RASA3: variants seen among roughly 807,000 people sequenced by gnomAD.
RASA3 encodes the protein RAS p21 protein activator 3.
A neutral mutation model predicts 110.0 loss-of-function variants in RASA3; 73 were observed. The ratio of observed to expected loss-of-function variants is 0.66; its 90% confidence interval spans 0.55 to 0.81. The LOEUF (loss-of-function observed/expected upper bound fraction) is 0.81, where lower values mean the gene tolerates loss of function less well. RASA3 is among the 30% of genes least tolerant of loss of function. The probability of loss-of-function intolerance (pLI) is 0.00; values close to 1 mark genes in which losing one functional copy is unlikely to be tolerated. For synonymous variants in RASA3, 500 were observed against 451.4 expected (o/e 1.11, Z -1.37); for missense variants, 976 against 1,113.2 (o/e 0.88, Z 1.75).
chr13:114,026,009 G>A (rs957827896), intron 7 of RASA3, among the ~76,000 whole-genome samples: 1 of 152,238 alleles, frequency 6.6e-6, no homozygotes, highest in Admixed American at 6.5e-5. Flanking sequence ...ACACAGCAGC[G>A]GTCAGCGAGG....
chr13:114,110,694 C>T (rs2080205857), intron 1 of RASA3, among the ~76,000 whole-genome samples: 2 of 152,364 alleles, frequency 1.3e-5, no homozygotes, highest in South Asian at 2.1e-4. Flanking sequence ...CCTCCTGGCA[C>T]CTGCACAGGG....
intron 18 of RASA3, among the ~76,000 whole-genome samples, chr13:114,001,703 G>A (rs1414132407): frequency 6.6e-6 from 1 of 152,084 alleles, no homozygotes; most frequent in East Asian, 1.9e-4. Context: ...CTCACACACG[G>A]AGGACCTGCG....
chr13:114,029,679 T>TAGG (rs200484325), intron 5 of RASA3, 132 bp downstream of exon 5: 2 of 884,014 alleles, frequency 2.3e-6, no homozygotes, highest in Non-Finnish European at 3.6e-6. Flanking sequence ...CCAGGACCTC[T>TAGG]AAACAGTGTC....
chr13:114,038,298 G>A (rs370954507), intron 4 of RASA3, among the ~76,000 whole-genome samples: 3 of 152,254 alleles, frequency 2.0e-5, no homozygotes, highest in East Asian at 1.9e-4. Context: ...CGGGCAGCAC[G>A]TGGGAAACCC....
At position 114,009,539 on chromosome 13, in the gene RASA3, G is replaced by A. The variant is rs1027723085; in HGVS notation, c.1591-75C>T. 8 of 987,850 alleles carry A rather than the reference G, an allele frequency of 8.1e-6. No homozygotes were observed. The South Asian group carries it at 1.0e-4, about 13-fold the overall frequency. The allele number at this position is 987,850 out of a possible 1,614,324, so 61.2% of individuals were successfully genotyped here. On this transcript the variant is annotated intron_variant, in intron 16 of 23. Transcript: ENST00000334062. ...ACGGCCCAAATCTGAAAAAGCTAGA[G>A]GCAAGAACTGTCCAAGCCTAAATGA...
chr13:113,995,561 A>G (rs1164103767), intron 21 of RASA3, among the ~76,000 whole-genome samples: 5 of 152,152 alleles, frequency 3.3e-5, no homozygotes, highest in Non-Finnish European at 5.9e-5. Context: ...GGACCGGCAG[A>G]TATGACCCAA....
chr13:114,010,314 C>T (rs1026769281), intron 16 of RASA3, among the ~76,000 whole-genome samples: 1 of 151,986 alleles, frequency 6.6e-6, no homozygotes, highest in Non-Finnish European at 1.5e-5. Context: ...CACAGCCCAG[C>T]CCTCTCCAGA....
intron 2 of RASA3, 90 bp from the exon 3 acceptor site, chr13:114,052,245 A>G: frequency 1.2e-6 from 1 of 830,902 alleles, no homozygotes; most frequent in African/African-American, 1.7e-5. Flanking sequence ...AGTTTTAAAC[A>G]TGCCATAAGA....
At chr13:114,039,581 G>A (rs1053145898) in intron 4 of RASA3, among the ~76,000 whole-genome samples, 2 of 152,242 alleles carry the variant, frequency 1.3e-5, no homozygotes, top group Non-Finnish European at 1.5e-5. Flanking sequence ...TTGGGCCACG[G>A]TGCCTCTTGC....
intron 7 of RASA3, 130 bp downstream of exon 7, chr13:114,027,258 TG>T: frequency 1.2e-6 from 1 of 801,694 alleles, no homozygotes; most frequent in Non-Finnish European, 2.0e-6. Flanking sequence ...CAGGGCCGGC[TG>T]GCGGGGCTCG....
intron 4 of RASA3, among the ~76,000 whole-genome samples, chr13:114,034,959 T>G (rs61973881): frequency 0.085 from 7,138 of 84,272 alleles, no homozygotes; most frequent in Middle Eastern, 0.16. Flanking sequence ...AGAAGGGAGA[T>G]CTGAACGCTG....
At chr13:114,080,296 C>T (rs984748213) in intron 1 of RASA3, among the ~76,000 whole-genome samples, 3 of 152,160 alleles carry the variant, frequency 2.0e-5, no homozygotes, top group Non-Finnish European at 4.4e-5. Flanking sequence ...CTGCTGGGAG[C>T]CCCTGGCACC....
rs9590419 is a variant in RASA3 at position 114,040,527 on chromosome 13, T to C, written c.372+473A>G. On this transcript the variant is annotated intron_variant, in intron 4 of 23. Coordinates refer to ENST00000334062, the MANE Select transcript of RASA3 (RefSeq NM_007368.4). The stretch of plus-strand genomic sequence containing the variant: ...GCGAACACGCACAACCCAAAATCCA[T>C]GGCGGAGCCCGCGCTCACTCCGAGC... Among the ~76,000 whole-genome samples, 217 of 132,364 alleles carry C rather than the reference T, an allele frequency of 1.6e-3. 5 individuals are homozygous for C. The highest frequency in any genetic ancestry group is 6.7e-3 in the African/African-American group (209 of 31,160). The allele number at this position is 132,364 out of a possible 152,430, so 86.8% of individuals were successfully genotyped here. A position where few individuals can be genotyped will look rare whatever the true frequency, so the allele number is the denominator to read the frequency against.
chr13:114,080,897 A>G (rs556131286), intron 1 of RASA3, among the ~76,000 whole-genome samples: 1 of 151,334 alleles, frequency 6.6e-6, no homozygotes, highest in South Asian at 2.1e-4. Context: ...CAAAACACCA[A>G]TAGTGCCCCT....
At chr13:114,131,253 G>A (rs2080513752) in intron 1 of RASA3, among the ~76,000 whole-genome samples, 1 of 152,146 alleles carries the variant, frequency 6.6e-6, no homozygotes, top group Non-Finnish European at 1.5e-5. Flanking sequence ...GCCCGTTCCC[G>A]GAGGCCTCTT....
At position 114,000,917 on chromosome 13, in the gene RASA3, C is replaced by CCT; in HGVS notation, c.1756_1757dup (p.Ala587GlyfsTer10). On this transcript the variant is annotated frameshift_variant, in exon 19 of 24. Transcript: ENST00000334062. LOFTEE classifies it high-confidence loss of function. ...TCCCAAAGCGCTTCCGTCCTTGGGC[C>CCT]CTCTTGATCATGAACCTGTGTGAAG... is the stretch of plus-strand genomic sequence containing the variant. 1 of 1,613,106 alleles carries CCT rather than the reference C, an allele frequency of 6.2e-7. No homozygotes were observed. The highest frequency in any genetic ancestry group is 8.5e-7 in the Non-Finnish European group (1 of 1,179,232).
intron 1 of RASA3, among the ~76,000 whole-genome samples, chr13:114,129,099 A>AACAAC: frequency 6.6e-6 from 1 of 152,358 alleles, no homozygotes; most frequent in South Asian, 2.1e-4. Flanking sequence ...GGGGCCCCAA[A>AACAAC]ACAACGCCGT....
chr13:114,104,967 T>C (rs1383418004), intron 1 of RASA3, among the ~76,000 whole-genome samples: 1 of 132,890 alleles, frequency 7.5e-6, no homozygotes, highest in African/African-American at 2.9e-5. Flanking sequence ...TCAGCAGCCC[T>C]CACAGGAAGG....
intron 1 of RASA3, among the ~76,000 whole-genome samples, chr13:114,110,107 A>G (rs1256317927): frequency 6.6e-6 from 1 of 152,238 alleles, no homozygotes; most frequent in Non-Finnish European, 1.5e-5. Flanking sequence ...TGGTTGGTAA[A>G]AGAAAAATTA....
Sources: allele counts gnomAD v4.1 joint callset (sites outside exome capture counted in the v4.1 genomes callset), GRCh38; gene constraint gnomAD v4.1.1; transcripts MANE v1.5; gene names NCBI Gene and HGNC (gene_info 2026-07-23, HGNC 2026-07-21).